The following FOXP2 variants were observed in gnomAD, a reference collection of about 807,000 sequenced individuals.
FOXP2 encodes forkhead box protein P2.
Under a neutral mutation model 115.8 loss-of-function variants are expected in FOXP2, and 12 were observed. The observed-to-expected ratio is 0.10, with a 90% CI of 0.07 to 0.17. The LOEUF is 0.17. Among genes scored for constraint, FOXP2 ranks in the 10% least tolerant of loss-of-function variants. The probability of loss-of-function intolerance (pLI) is 1.00; values close to 1 mark genes in which losing one functional copy is unlikely to be tolerated. For synonymous variants in FOXP2, 328 were observed against 297.7 expected (o/e 1.10, Z -1.05); for missense variants, 629 against 843.5 (o/e 0.75, Z 3.15).
chr7:114,579,889 G>A (rs764841001), intron 3 of FOXP2, among the ~76,000 whole-genome samples: 4 of 152,092 alleles, frequency 2.6e-5, no homozygotes, highest in Non-Finnish European at 5.9e-5. Context: ...TGGGAAATAC[G>A]TAATTTAGGA....
At chr7:114,675,631 C>T (rs12705975) in intron 16 of FOXP2, among the ~76,000 whole-genome samples, 48,456 of 151,926 alleles carry the variant, frequency 0.32, 9,577 homozygotes, top group Non-Finnish European at 0.45. Context: ...AAAGAGTTAT[C>T]ATCATTAATT....
At chr7:114,145,431 T>TTTTTCTTTCTTCTTTTC (rs1792337774) in intron 1 of FOXP2, among the ~76,000 whole-genome samples, 1 of 100,446 alleles carries the variant, frequency 1.0e-5, no homozygotes, top group African/African-American at 3.6e-5. Context: ...GCTTTGCCAT[T>TTTTTCTTTCTTCTTTTC]TTTTCTTTTC....
rs1217742534 is a variant in FOXP2 at position 114,691,653 on chromosome 7, CT to C, written c.*1732del. 1 of 453,876 alleles carries C rather than the reference CT, an allele frequency of 2.2e-6. No individual in the cohort carries two copies. Among genetic ancestry groups the C allele is most frequent in the East Asian group, 6.9e-5 (1 of 14,390 alleles). 28.1% of individuals were successfully genotyped at this position (453,876 alleles called of 1,614,324 possible). A position where few individuals can be genotyped will look rare whatever the true frequency, so the allele number is the denominator to read the frequency against. On this transcript the variant is annotated 3_prime_UTR_variant, in exon 17 of 17. Coordinates refer to ENST00000350908, the MANE Select transcript of FOXP2 (RefSeq NM_014491.4). The stretch of plus-strand genomic sequence containing the variant: ...TGTGCTGTGCCAAGTCTTGATAATA[CT>C]TTTTCCCCCAACCAAGGGACCTCAT...
intron 1 of FOXP2, among the ~76,000 whole-genome samples, chr7:114,269,707 A>G (rs1190621057): frequency 3.3e-5 from 5 of 152,194 alleles, no homozygotes; most frequent in African/African-American, 1.2e-4. Context: ...ACTCAACACA[A>G]TTCATTTACC....
intron 1 of FOXP2, among the ~76,000 whole-genome samples, chr7:114,204,712 T>G (rs544087402): frequency 2.1e-4 from 32 of 152,326 alleles, no homozygotes; most frequent in African/African-American, 7.7e-4. Context: ...TTGTCACAGT[T>G]TTTTGAGAGT....
At chr7:114,670,523 C>A (rs1807437675) in intron 16 of FOXP2, among the ~76,000 whole-genome samples, 1 of 151,950 alleles carries the variant, frequency 6.6e-6, no homozygotes, top group Non-Finnish European at 1.5e-5. Context: ...ATACTTTGGC[C>A]TCTCCTGTTG....
intron 13 of FOXP2, among the ~76,000 whole-genome samples, chr7:114,661,029 G>T (rs1436337494): frequency 1.4e-5 from 2 of 148,012 alleles, no homozygotes; most frequent in African/African-American, 2.5e-5. Flanking sequence ...TGGATTTCAG[G>T]TCAGATGCTA....
intron 2 of FOXP2, among the ~76,000 whole-genome samples, chr7:114,438,928 G>A (rs530152653): frequency 6.6e-6 from 1 of 152,250 alleles, no homozygotes; most frequent in East Asian, 1.9e-4. Flanking sequence ...AAACACAGAA[G>A]TAGATGTTAA....
At chr7:114,566,502 T>C (rs1324393644) in intron 3 of FOXP2, among the ~76,000 whole-genome samples, 1 of 151,964 alleles carries the variant, frequency 6.6e-6, no homozygotes, top group East Asian at 1.9e-4. Flanking sequence ...TCACTCTTGT[T>C]TCCTCTCTCA....
chr7:114,518,163 A>G (rs570459121), intron 2 of FOXP2, among the ~76,000 whole-genome samples: 11 of 152,292 alleles, frequency 7.2e-5, no homozygotes, highest in Admixed American at 6.5e-4. Flanking sequence ...AAGTCTGTAC[A>G]TGTTTTGTCC....
At chr7:114,283,623 T>C (rs1387687647) in intron 1 of FOXP2, among the ~76,000 whole-genome samples, 1 of 152,120 alleles carries the variant, frequency 6.6e-6, no homozygotes, top group Admixed American at 6.6e-5. Context: ...ACTAAATCTC[T>C]TTTCTATAAA....
chr7:114,212,548 T>C (rs1794384421), intron 1 of FOXP2, among the ~76,000 whole-genome samples: 2 of 151,548 alleles, frequency 1.3e-5, no homozygotes, highest in Non-Finnish European at 2.9e-5. Flanking sequence ...CCAATAGACA[T>C]GCTGAAAAAG....
intron 1 of FOXP2, among the ~76,000 whole-genome samples, chr7:114,089,226 A>T (rs1184468607): frequency 6.6e-6 from 1 of 152,146 alleles, no homozygotes; most frequent in Non-Finnish European, 1.5e-5. Flanking sequence ...GAAAGAGGAG[A>T]CTAGAAACCT....
At chr7:114,124,085 T>C (rs1304751257) in intron 1 of FOXP2, among the ~76,000 whole-genome samples, 1 of 152,078 alleles carries the variant, frequency 6.6e-6, no homozygotes, top group East Asian at 1.9e-4. Flanking sequence ...TCTCTCTCTG[T>C]TGCCTGTAAA....
intron 2 of FOXP2, among the ~76,000 whole-genome samples, chr7:114,302,700 C>T (rs1257022943): frequency 6.6e-6 from 1 of 152,068 alleles, no homozygotes. Flanking sequence ...ACGAATATGG[C>T]ACAGATGATA....
intron 1 of FOXP2, among the ~76,000 whole-genome samples, chr7:114,109,749 T>G (rs543924661): frequency 6.6e-6 from 1 of 152,158 alleles, no homozygotes; most frequent in South Asian, 2.1e-4. Flanking sequence ...TTTTTAACAA[T>G]GTTTATATTT....
intron 1 of FOXP2, among the ~76,000 whole-genome samples, chr7:114,277,803 T>A (rs1244206687): frequency 6.6e-6 from 1 of 151,736 alleles, no homozygotes; most frequent in African/African-American, 2.4e-5. Context: ...TCACTTGAGG[T>A]CAGGAGTTGG....
intron 2 of FOXP2, among the ~76,000 whole-genome samples, chr7:114,308,041 G>C (rs541504535): frequency 8.5e-5 from 13 of 152,150 alleles, no homozygotes; most frequent in African/African-American, 2.9e-4. Flanking sequence ...CAGGGTCTAA[G>C]GTGTTTTCAC....
chr7:114,240,454 C>T (rs1207829167), intron 1 of FOXP2, among the ~76,000 whole-genome samples: 2 of 151,924 alleles, frequency 1.3e-5, no homozygotes, highest in Non-Finnish European at 2.9e-5. Context: ...AATGCCTTTT[C>T]CATGATAATT....
Sources: gnomAD v4.1 joint callset for allele counts (sites outside exome capture counted in the v4.1 genomes callset) on GRCh38, gnomAD v4.1.1 for gene constraint, MANE v1.5 for transcripts, NCBI Gene and HGNC (gene_info 2026-07-23, HGNC 2026-07-21) for gene names.